EHF: variants seen among roughly 807,000 people sequenced by gnomAD.
EHF encodes the protein ETS homologous factor, also known as ESE3 transcription factor.
EHF carries 14 observed loss-of-function variants against 45.1 expected under a neutral mutation model. The ratio of observed to expected loss-of-function variants is 0.31; its 90% CI spans 0.21 to 0.49. The LOEUF is 0.49. Ranked by LOEUF, EHF falls within the 20% of genes least tolerant of loss-of-function variation. The pLI is 0.99. For missense variants in EHF, 282 were observed against 371.4 expected (o/e 0.76, Z 1.98); for synonymous variants, 136 against 131.8 (o/e 1.03, Z -0.22).
chr11:34,658,171 G>A (rs766597379), intron 7 of EHF, among the ~76,000 whole-genome samples: 19 of 152,088 alleles, frequency 1.2e-4, no homozygotes, highest in Non-Finnish European at 2.4e-4. Flanking sequence ...GAAGTAACAG[G>A]TTGAAGTGAA....
At chr11:34,655,631 T>G (rs1182435330) in intron 6 of EHF, among the ~76,000 whole-genome samples, 1 of 152,216 alleles carries the variant, frequency 6.6e-6, no homozygotes, top group Admixed American at 6.5e-5. Flanking sequence ...AAACTGTGGA[T>G]CATATTAGTA....
At chr11:34,631,549 C>T in intron 1 of EHF, 1 of 983,926 alleles carries the variant, frequency 1.0e-6, no homozygotes. Flanking sequence ...TCTAGGACAT[C>T]TCAGGCCCTT....
chr11:34,628,423 T>A (rs181661340), intron 1 of EHF, among the ~76,000 whole-genome samples: 134 of 152,290 alleles, frequency 8.8e-4, no homozygotes, highest in Non-Finnish European at 2.8e-4. Flanking sequence ...CCTCACTAGA[T>A]TACAAAACAG....
At chr11:34,642,581 T>A in intron 1 of EHF, 47 bp from the exon 2 acceptor site, 1 of 1,200,654 alleles carries the variant, frequency 8.3e-7, no homozygotes, top group Non-Finnish European at 1.2e-6. Flanking sequence ...TCCAATGACA[T>A]TTGTCCAAGA....
chr11:34,641,441 C>A (rs286904), intron 1 of EHF, among the ~76,000 whole-genome samples: 29 of 152,202 alleles, frequency 1.9e-4, no homozygotes, highest in Admixed American at 3.3e-4. Context: ...CAAGAGGAGC[C>A]GTAGCTAAAT....
intron 1 of EHF, among the ~76,000 whole-genome samples, chr11:34,625,945 A>G (rs903361287): frequency 3.3e-5 from 5 of 152,152 alleles, no homozygotes; most frequent in Admixed American, 3.3e-4. Context: ...TGGCCAGTAT[A>G]GGTGCATACA....
At position 34,658,974 on chromosome 11, in the gene EHF, A is replaced by T; in HGVS notation, c.*43A>T. The T allele has an allele frequency of 6.9e-7, 1 of 1,454,094 alleles. No individual in the cohort carries two copies. Among genetic ancestry groups the T allele is most frequent in the Non-Finnish European group, 9.5e-7 (1 of 1,055,828 alleles). 90.1% of individuals were successfully genotyped at this position (1,454,094 alleles called of 1,614,324 possible). On this transcript the variant is annotated 3_prime_UTR_variant, in exon 9 of 9. Transcript: ENST00000257831. ...ACACAAACCAAAACACACACCAAATAATCAGAAACAAAGAACTCCTGGACG... is the reference window on the plus strand; with the variant it reads ...ACACAAACCAAAACACACACCAAATTATCAGAAACAAAGAACTCCTGGACG...
chr11:34,623,931 T>C (rs1852157289), intron 1 of EHF, among the ~76,000 whole-genome samples: 1 of 152,144 alleles, frequency 6.6e-6, no homozygotes, highest in African/African-American at 2.4e-5. Flanking sequence ...GAAGTTATTG[T>C]CTTTTCTCCC....
rs148422492 is a variant in EHF at position 34,661,331 on chromosome 11, A to G, written c.*2400A>G. ...CTCTGACTTTGCCTGTTCATCATCT[A>G]AGGAGGCTAGATCCTTCGCTGACTT... On this transcript the variant is annotated 3_prime_UTR_variant, in exon 9 of 9. Transcript: ENST00000257831. Among the ~76,000 whole-genome samples, 10 of 152,248 alleles carry G rather than the reference A, an allele frequency of 6.6e-5. No homozygotes were observed. The East Asian group carries it at 1.9e-3, about 29-fold the overall frequency.
intron 6 of EHF, among the ~76,000 whole-genome samples, chr11:34,654,642 G>A (rs1241965213): frequency 6.6e-6 from 1 of 152,154 alleles, no homozygotes; most frequent in Non-Finnish European, 1.5e-5. Flanking sequence ...TTTATCTAGT[G>A]TAGAGGTTTT....
chr11:34,640,332 C>G (rs951675524), intron 1 of EHF, among the ~76,000 whole-genome samples: 1 of 152,204 alleles, frequency 6.6e-6, no homozygotes, highest in African/African-American at 2.4e-5. Flanking sequence ...TTGAAACAAC[C>G]CTGCAGGCAA....
chr11:34,660,679 C>G lies in EHF; in HGVS notation c.*1748C>G, dbSNP rs1856026248. The G allele has an allele frequency of 6.6e-6, 1 of 152,228 alleles. No homozygotes were observed. The highest frequency in any genetic ancestry group is 1.5e-5 in the Non-Finnish European group (1 of 67,988). 9.4% of individuals were successfully genotyped at this position (152,228 alleles called of 1,614,324 possible). ...TTTTGCAGCTTTTCTTTTTGGCTCT[C>G]TCATGTCCTTGGCTTGCTCCTCTAT... On this transcript the variant is annotated 3_prime_UTR_variant, in exon 9 of 9. Coordinates refer to ENST00000257831, the MANE Select transcript of EHF (RefSeq NM_012153.6).
intron 1 of EHF, chr11:34,632,518 T>C: frequency 6.5e-7 from 1 of 1,534,972 alleles, no homozygotes; most frequent in Non-Finnish European, 8.7e-7. Context: ...CAGGCTGCTT[T>C]GTGAAACTCA....
At chr11:34,649,920 A>G (rs1382494673) in intron 4 of EHF, among the ~76,000 whole-genome samples, 1 of 152,274 alleles carries the variant, frequency 6.6e-6, no homozygotes. Context: ...AAATTGGCCC[A>G]TGCAGTTATT....
At chr11:34,640,299 G>C (rs1245530814) in intron 1 of EHF, among the ~76,000 whole-genome samples, 3 of 152,168 alleles carry the variant, frequency 2.0e-5, no homozygotes, top group African/African-American at 4.8e-5. Context: ...GCCCAGGCAG[G>C]TGCTGCCACT....
At chr11:34,645,219 G>A (rs1218464231) in intron 2 of EHF, among the ~76,000 whole-genome samples, 1 of 152,084 alleles carries the variant, frequency 6.6e-6, no homozygotes, top group Non-Finnish European at 1.5e-5. Flanking sequence ...ACTATGGAAT[G>A]TTTTTTTAAG....
rs56121359 is a variant in EHF, at chr11:34,635,450, C to CTTTTTTTTT, written c.-3-7168_-3-7160dup. On this transcript the variant is annotated intron_variant, in intron 1 of 8. Coordinates refer to ENST00000257831, the MANE Select transcript of EHF (RefSeq NM_012153.6). Reference sequence around the variant, plus strand: ...CCTAGCCCCAATCCGAAACCTTATTCTTTTTTTTTTTTTTTTTTGAGATGG... The same window carrying CTTTTTTTTT: ...CCTAGCCCCAATCCGAAACCTTATTCTTTTTTTTTTTTTTTTTTTTTTTTTTTGAGATGG... Among the ~76,000 whole-genome samples, 12 of 113,222 alleles carry CTTTTTTTTT rather than the reference C, an allele frequency of 1.1e-4. 3 individuals carry two copies. Among genetic ancestry groups the CTTTTTTTTT allele is most frequent in the Non-Finnish European group, 1.6e-4 (9 of 56,716 alleles). 74.3% of individuals were successfully genotyped at this position (113,222 alleles called of 152,430 possible). A position where few individuals can be genotyped will look rare whatever the true frequency, so the allele number is the denominator to read the frequency against.
intron 2 of EHF, among the ~76,000 whole-genome samples, chr11:34,646,027 G>GGT (rs71041935): frequency 0.043 from 6,262 of 144,234 alleles, 159 homozygotes; most frequent in South Asian, 0.064. Flanking sequence ...TGAGTTTGGT[G>GGT]GTGTGTGTGT....
chr11:34,643,747 G>A (rs556137715), intron 2 of EHF, among the ~76,000 whole-genome samples: 1 of 152,240 alleles, frequency 6.6e-6, no homozygotes, highest in East Asian at 1.9e-4. Flanking sequence ...TTTCTGTTGT[G>A]GGCCTCAAAT....
Sources: allele counts gnomAD v4.1 joint callset (sites outside exome capture counted in the v4.1 genomes callset), GRCh38; gene constraint gnomAD v4.1.1; transcripts MANE v1.5; gene names NCBI Gene and HGNC (gene_info 2026-07-23, HGNC 2026-07-21).